NELL1: variants seen among roughly 807,000 people sequenced by gnomAD.
The protein encoded by NELL1 is protein kinase C-binding protein NELL1.
In NELL1, 76 loss-of-function variants were observed where a neutral mutation model predicts 107.4. The ratio of observed to expected loss-of-function variants is 0.71; its 90% CI spans 0.59 to 0.86. NELL1 has a LOEUF of 0.86. NELL1 is among the 40% of genes least tolerant of loss of function. The pLI is 0.00. For synonymous variants in NELL1, 353 were observed against 341.2 expected (o/e 1.03, Z -0.38); for missense variants, 1,024 against 1,005.5 (o/e 1.02, Z -0.25).
chr11:20,762,086 T>C (rs553773358), intron 2 of NELL1, among the ~76,000 whole-genome samples: 2 of 152,220 alleles, frequency 1.3e-5, no homozygotes, highest in Non-Finnish European at 2.9e-5. Context: ...TCTGACCATG[T>C]CTCTTAGAGT....
intron 14 of NELL1, among the ~76,000 whole-genome samples, chr11:21,241,940 C>T (rs571386711): frequency 4.2e-4 from 56 of 132,610 alleles, no homozygotes; most frequent in African/African-American, 1.4e-3. Flanking sequence ...GTGTCATTTA[C>T]AGCTAGACGT....
chr11:20,916,408 T>C (rs1850257554), intron 5 of NELL1, among the ~76,000 whole-genome samples: 1 of 152,024 alleles, frequency 6.6e-6, no homozygotes, highest in Non-Finnish European at 1.5e-5. Flanking sequence ...CTGTGTGCTG[T>C]ATTTTCTTGC....
intron 16 of NELL1, among the ~76,000 whole-genome samples, chr11:21,551,092 T>A (rs1233710467): frequency 6.6e-6 from 1 of 151,402 alleles, no homozygotes; most frequent in East Asian, 1.9e-4. Flanking sequence ...TATTTTATTC[T>A]CTTTGAAGCA....
chr11:21,380,840 G>T (rs755774825), intron 15 of NELL1, among the ~76,000 whole-genome samples: 1 of 152,008 alleles, frequency 6.6e-6, no homozygotes, highest in African/African-American at 2.4e-5. Flanking sequence ...AAATAAAGAT[G>T]CAGTCTAGTA....
chr11:21,293,643 G>A (rs1049509502), intron 14 of NELL1, among the ~76,000 whole-genome samples: 1 of 152,118 alleles, frequency 6.6e-6, no homozygotes, highest in Admixed American at 6.5e-5. Context: ...TGTGTTTATT[G>A]CAGCACTGTC....
At chr11:21,364,531 G>A (rs577071376) in intron 14 of NELL1, among the ~76,000 whole-genome samples, 2 of 150,692 alleles carry the variant, frequency 1.3e-5, no homozygotes, top group East Asian at 3.9e-4. Context: ...GCAAAAACAA[G>A]TCATTGGATC....
chr11:20,944,083 A>G (rs1176029553), intron 10 of NELL1, among the ~76,000 whole-genome samples: 1 of 152,202 alleles, frequency 6.6e-6, no homozygotes, highest in Admixed American at 6.5e-5. Context: ...AATCTGTTGT[A>G]TGCAATAAAT....
chr11:21,380,547 A>C (rs1851584328), intron 15 of NELL1, among the ~76,000 whole-genome samples: 1 of 151,940 alleles, frequency 6.6e-6, no homozygotes, highest in South Asian at 2.1e-4. Context: ...CTACCCACTC[A>C]ATGTTTTTCT....
At chr11:21,379,479 C>T (rs750331347) in intron 15 of NELL1, among the ~76,000 whole-genome samples, 3 of 151,882 alleles carry the variant, frequency 2.0e-5, no homozygotes, top group African/African-American at 4.8e-5. Flanking sequence ...TTAGGGATAT[C>T]GGTAAAAAGC....
intron 12 of NELL1, among the ~76,000 whole-genome samples, chr11:21,100,193 T>G (rs1854769914): frequency 6.6e-6 from 1 of 152,132 alleles, no homozygotes; most frequent in African/African-American, 2.4e-5. Flanking sequence ...ATTTTTTGTA[T>G]TTTTAGTAGA....
Position 20,719,959 on chromosome 11 carries a change from T to C in NELL1, c.184+41899T>C, listed in dbSNP as rs140104388. On this transcript the variant is annotated intron_variant, in intron 2 of 19. Coordinates refer to ENST00000357134, the MANE Select transcript of NELL1 (RefSeq NM_006157.5). ...AAAAGATTCACTGGTACTACCTTAATTTGTTCAGATGCTTTAACAATGGGT... is the reference window on the plus strand; with the variant it reads ...AAAAGATTCACTGGTACTACCTTAACTTGTTCAGATGCTTTAACAATGGGT... 2.4e-3 allele frequency among the ~76,000 whole-genome samples: 358 copies of C among 152,338 alleles called. 3 individuals carry two copies. Among genetic ancestry groups the C allele is most frequent in the African/African-American group, 8.3e-3 (344 of 41,586 alleles).
intron 15 of NELL1, among the ~76,000 whole-genome samples, chr11:21,467,830 A>T (rs547726487): frequency 6.6e-6 from 1 of 152,108 alleles, no homozygotes; most frequent in African/African-American, 2.4e-5. Flanking sequence ...GGAACTCCTG[A>T]ATTTGTGGGT....
chr11:20,887,214 T>C (rs1387883604), intron 5 of NELL1, among the ~76,000 whole-genome samples: 1 of 152,234 alleles, frequency 6.6e-6, no homozygotes, highest in East Asian at 1.9e-4. Context: ...GTTGTATGAA[T>C]GTATCATATT....
At chr11:20,795,923 G>A (rs570072105) in intron 3 of NELL1, among the ~76,000 whole-genome samples, 30 of 152,194 alleles carry the variant, frequency 2.0e-4, no homozygotes, top group South Asian at 8.3e-4. Context: ...ATGTTTGAGC[G>A]TTTGCAGTTA....
intron 10 of NELL1, among the ~76,000 whole-genome samples, chr11:20,941,532 TA>T (rs1455826800): frequency 6.6e-6 from 1 of 150,748 alleles, no homozygotes; most frequent in African/African-American, 2.4e-5. Context: ...TCCTACATGA[TA>T]TTTTTTTTTC....
At chr11:21,022,374 G>C (rs569850913) in intron 12 of NELL1, among the ~76,000 whole-genome samples, 65 of 152,164 alleles carry the variant, frequency 4.3e-4, no homozygotes, top group African/African-American at 1.4e-3. Context: ...AGGTACTCTA[G>C]TTTTGGGGGA....
At chr11:21,120,051 C>T (rs1473467303) in intron 13 of NELL1, among the ~76,000 whole-genome samples, 1 of 151,990 alleles carries the variant, frequency 6.6e-6, no homozygotes, top group Non-Finnish European at 1.5e-5. Context: ...ACAAATATCC[C>T]ATGTGATCTC....
chr11:20,896,790 C>A (rs1849748780), intron 5 of NELL1, among the ~76,000 whole-genome samples: 1 of 152,128 alleles, frequency 6.6e-6, no homozygotes, highest in Admixed American at 6.5e-5. Flanking sequence ...AGAGCCAAAT[C>A]ATGAGTGAAC....
chr11:21,492,696 G>A (rs1416703283), intron 15 of NELL1, among the ~76,000 whole-genome samples: 1 of 138,854 alleles, frequency 7.2e-6, no homozygotes, highest in African/African-American at 2.7e-5. Context: ...ATTGAACAAT[G>A]AGAACACATG....
Sources: allele counts gnomAD v4.1 joint callset (sites outside exome capture counted in the v4.1 genomes callset), GRCh38; gene constraint gnomAD v4.1.1; transcripts MANE v1.5; gene names NCBI Gene and HGNC (gene_info 2026-07-23, HGNC 2026-07-21).